ACSM6: variants seen among roughly 807,000 people sequenced by gnomAD.
ACSM6 encodes acyl-coenzyme A synthetase ACSM6, mitochondrial.
Under a neutral mutation model 51.1 loss-of-function variants are expected in ACSM6, and 35 were observed. The ratio of observed to expected loss-of-function variants is 0.69; its 90% CI spans 0.52 to 0.91. The LOEUF is 0.91. Among genes scored for constraint, ACSM6 ranks in the 40% least tolerant of loss-of-function variants. The pLI is 0.00. For synonymous variants in ACSM6, 172 were observed against 207.3 expected, an observed-to-expected ratio of 0.83 and a Z score of 1.46; for missense variants, 509 against 584.1, an observed-to-expected ratio of 0.87 and a Z score of 1.32.
rs1254129143 is a variant in ACSM6 at position 95,214,994 on chromosome 10, A to G, written c.1119+19A>G. On this transcript the variant is annotated intron_variant, in intron 8 of 10. Transcript: ENST00000341686. ...GGAAACTGTAGGTTGATGCTGACTC[A>G]CTATTTAGCCAGAAACCAAACTTGC... 6.4e-7 allele frequency: 1 copy of G among 1,551,058 alleles called. No homozygotes were observed. The highest frequency in any genetic ancestry group is 2.0e-5 in the Admixed American group (1 of 50,966).
chr10:95,223,304 G>T (rs1471200785), intron 9 of ACSM6, among the ~76,000 whole-genome samples: 1 of 151,840 alleles, frequency 6.6e-6, no homozygotes, highest in East Asian at 1.9e-4. Flanking sequence ...ATAACACCAG[G>T]ATTTTGGAGG....
intron 2 of ACSM6, among the ~76,000 whole-genome samples, chr10:95,199,289 G>A (rs1327467533): frequency 2.6e-5 from 4 of 152,132 alleles, no homozygotes; most frequent in African/African-American, 9.7e-5. Flanking sequence ...GGGAAAACTG[G>A]CTAGCCATAT....
chr10:95,210,514 C>T, intron 4 of ACSM6, 136 bp from the exon 5 acceptor site: 1 of 977,290 alleles, frequency 1.0e-6, no homozygotes, highest in Non-Finnish European at 1.4e-6. Flanking sequence ...AGCTGCCCCT[C>T]TAACAAATAA....
At chr10:95,225,196 G>T (rs766083952) in intron 9 of ACSM6, 94 bp from the exon 10 acceptor site, 5 of 891,848 alleles carry the variant, frequency 5.6e-6, no homozygotes, top group Non-Finnish European at 8.7e-6. Flanking sequence ...ATCTTAAATG[G>T]GGGTAGAAAG....
At chr10:95,213,086 A>G in intron 7 of ACSM6, 146 bp downstream of exon 7, 1 of 574,984 alleles carries the variant, frequency 1.7e-6, no homozygotes, top group Non-Finnish European at 3.0e-6. Context: ...CAACTCCATT[A>G]GTGTGTGTGA....
At chr10:95,214,740 A>C (rs2034927129) in intron 7 of ACSM6, 112 bp from the exon 8 acceptor site, 21 of 1,233,912 alleles carry the variant, frequency 1.7e-5, no homozygotes, top group Middle Eastern at 2.7e-4. Flanking sequence ...CCACTTAATG[A>C]GCATTTCCTG....
At chr10:95,226,932 G>A (rs944106898) in intron 10 of ACSM6, among the ~76,000 whole-genome samples, 4 of 150,532 alleles carry the variant, frequency 2.7e-5, no homozygotes, top group Non-Finnish European at 5.9e-5. Flanking sequence ...ATCAGCTTTT[G>A]TGAAGCCTGT....
chr10:95,227,927 C>T (rs2035056301), intron 10 of ACSM6, among the ~76,000 whole-genome samples: 3 of 152,108 alleles, frequency 2.0e-5, no homozygotes, highest in Admixed American at 6.5e-5. Context: ...AAAAATTAGC[C>T]GGGCTTGGTG....
At chr10:95,202,048 T>C in exon 3 of ACSM6, 3 of 1,551,820 alleles carry the variant, frequency 1.9e-6, no homozygotes, top group Non-Finnish European at 2.6e-6. Context: ...AGAGGACAAA[T>C]GGAGCTTTGA....
intron 2 of ACSM6, 105 bp from the exon 3 acceptor site, chr10:95,201,880 C>A: frequency 1.1e-6 from 1 of 912,886 alleles, no homozygotes; most frequent in Non-Finnish European, 1.7e-6. Flanking sequence ...GGCATCCTAG[C>A]CTCTCAAGAT....
At chr10:95,208,933 T>TTAAAA (rs1554829584) in intron 4 of ACSM6, among the ~76,000 whole-genome samples, 1 of 33,920 alleles carries the variant, frequency 2.9e-5, no homozygotes, top group Non-Finnish European at 5.5e-5. Context: ...CAGGGATGTT[T>TTAAAA]AAAAAAAAAA....
At chr10:95,212,715 C>A (rs2034905210) in intron 6 of ACSM6, 143 bp from the exon 7 acceptor site, 2 of 648,524 alleles carry the variant, frequency 3.1e-6, no homozygotes, top group African/African-American at 1.8e-5. Flanking sequence ...ATCACTAAGT[C>A]TTTGAGATAA....
rs201858173 is a variant in ACSM6 at position 95,211,985 on chromosome 10, G to C, written c.863G>C (p.Cys288Ser). Residue 288 changes from cysteine to serine, a missense_variant, in exon 6 of 11, where the codon TGT becomes TCT. By Grantham distance (112) the Cys-to-Ser change is moderately radical. Coordinates refer to ENST00000341686, the Ensembl canonical transcript of ACSM6. Reference sequence around the variant, plus strand: ...TTGGGAACTTGGTTCCAAGGAGCCTGTGTGTTTCTGTGTCACATGCCAACC... The same window carrying C: ...TTGGGAACTTGGTTCCAAGGAGCCTCTGTGTTTCTGTGTCACATGCCAACC... The C allele has an allele frequency of 1.1e-5, 17 of 1,614,126 alleles. No homozygotes were observed. The African/African-American group carries it at 1.6e-4, about 15-fold the overall frequency.
rs533599187 is a variant in ACSM6, at chr10:95,223,124, C to T, written c.1201-2166C>T. Among the ~76,000 whole-genome samples, 9 of 150,640 alleles carry T rather than the reference C, an allele frequency of 6.0e-5. No homozygotes were observed. In the South Asian group the frequency reaches 1.5e-3, roughly 25 times the overall value. On this transcript the variant is annotated intron_variant, in intron 9 of 10. Coordinates refer to ENST00000341686, the Ensembl canonical transcript of ACSM6. ...TTGTCAAATGAAGTATAACTTCATTCCTTACACTCCCTATCCAAAACACGC... is the reference window on the plus strand; with the variant it reads ...TTGTCAAATGAAGTATAACTTCATTTCTTACACTCCCTATCCAAAACACGC...
chr10:95,206,470 A>G (rs2034839832), intron 3 of ACSM6, among the ~76,000 whole-genome samples: 1 of 152,196 alleles, frequency 6.6e-6, no homozygotes, highest in South Asian at 2.1e-4. Flanking sequence ...ATGATGCCCA[A>G]GAGATTTCAG....
exon 2 of ACSM6, chr10:95,194,603 T>A (rs11188225): frequency 0.35 from 539,671 of 1,551,668 alleles, 100,277 homozygotes; most frequent in South Asian, 0.38. Flanking sequence ...TGACTCCAGG[T>A]GCCTAGTCCA....
chr10:95,223,474 T>A (rs2035012580), intron 9 of ACSM6, among the ~76,000 whole-genome samples: 1 of 152,132 alleles, frequency 6.6e-6, no homozygotes, highest in Non-Finnish European at 1.5e-5. Flanking sequence ...AACATATAAA[T>A]GGATTATATA....
intron 4 of ACSM6, 62 bp from the exon 5 acceptor site, chr10:95,210,588 C>T: frequency 3.3e-6 from 5 of 1,534,422 alleles, no homozygotes; most frequent in Non-Finnish European, 4.4e-6. Flanking sequence ...AACCCAGGGC[C>T]TAGGCACTTA....
intron 4 of ACSM6, among the ~76,000 whole-genome samples, chr10:95,207,734 T>A (rs1315648790): frequency 2.0e-5 from 3 of 151,856 alleles, no homozygotes; most frequent in Non-Finnish European, 4.4e-5. Context: ...AATTAGGTAA[T>A]ATAAATATAA....
Sources: gnomAD v4.1 joint callset for allele counts (sites outside exome capture counted in the v4.1 genomes callset) on GRCh38, gnomAD v4.1.1 for gene constraint, MANE v1.5 for transcripts, NCBI Gene and HGNC (gene_info 2026-07-23, HGNC 2026-07-21) for gene names.